Variants in MYBBP1A observed in about 807,000 individuals in gnomAD.
The protein encoded by MYBBP1A is MYB binding protein 1a, also known as myb-binding protein 1A.
In MYBBP1A, 147 loss-of-function variants were observed where a neutral mutation model predicts 136.3. The observed-to-expected ratio is 1.08, with a 90% CI of 0.94 to 1.24. The LOEUF is 1.24. Among genes scored for constraint, MYBBP1A ranks in the 50% most tolerant of loss-of-function variants. The probability of loss-of-function intolerance (pLI) is 0.00; values close to 1 mark genes in which losing one functional copy is unlikely to be tolerated. For synonymous variants in MYBBP1A, 947 were observed against 735.8 expected, an observed-to-expected ratio of 1.29 and a Z score of -4.65; for missense variants, 2,060 against 1,727.4, an observed-to-expected ratio of 1.19 and a Z score of -3.41.
chr17:4,545,294 C>CCGT lies in MYBBP1A; in HGVS notation c.2122_2124dup (p.Thr708dup). 1 of 1,613,192 alleles carries CCGT rather than the reference C, an allele frequency of 6.2e-7. No individual in the cohort carries two copies. The highest frequency in any genetic ancestry group is 1.7e-5 in the Admixed American group (1 of 59,986). The stretch of plus-strand genomic sequence containing the variant: ...TTCAGCCGCCGCTCATCAGAATCGT[C>CCGT]CGTCACCACCACACGGTCATTCTCA... On this transcript the variant is annotated inframe_insertion, in exon 16 of 26. Coordinates refer to ENST00000254718, the MANE Select transcript of MYBBP1A (RefSeq NM_014520.4).
At chr17:4,540,257 A>T in intron 25 of MYBBP1A, 91 bp downstream of exon 25, 4 of 1,466,676 alleles carry the variant, frequency 2.7e-6, no homozygotes, top group Non-Finnish European at 3.6e-6. Context: ...GTGCGTGTGC[A>T]GCAGCGTGTG....
Position 4,541,772 on chromosome 17 carries a change from C to T in MYBBP1A, c.3195+12G>A. ...CTGAGGGGGTGGGGAAAGGGCGCCC[C>T]CCGGCTGTTACCTCGGTGACCTTTG... On this transcript the variant is annotated intron_variant, in intron 23 of 25. Transcript: ENST00000254718. 6.2e-7 allele frequency: 1 copy of T among 1,611,536 alleles called. No homozygotes were observed. The highest frequency in any genetic ancestry group is 8.5e-7 in the Non-Finnish European group (1 of 1,178,024).
At position 4,540,358 on chromosome 17, in the gene MYBBP1A, G is replaced by C. The variant is rs142196126; in HGVS notation, c.3424C>G (p.Leu1142Val). The C allele has an allele frequency of 1.9e-4, 310 of 1,607,356 alleles. 2 individuals carry two copies. In the African/African-American group the frequency reaches 3.7e-3, roughly 19 times the overall value. ...HDLYWQAMKT[L>V]GVQRPKLEKK... is the part of the protein sequence containing the mutation. ...CCTCCCAGAACCTACTGGACTCCCAGGGTTTTCATGGCCTGCCAGTAGAGG... is the reference window on the plus strand; with the variant it reads ...CCTCCCAGAACCTACTGGACTCCCACGGTTTTCATGGCCTGCCAGTAGAGG... Residue 1142 changes from leucine (L) to valine (V), a missense_variant, in exon 25 of 26, where the codon CTG becomes GTG. Leu to Val is a conservative substitution (Grantham distance 32, BLOSUM62 1). Coordinates refer to ENST00000254718, the MANE Select transcript of MYBBP1A (RefSeq NM_014520.4).
Position 4,540,102 on chromosome 17 carries a change from T to C in MYBBP1A, c.3435-135A>G, listed in dbSNP as rs547695933. On this transcript the variant is annotated intron_variant, in intron 25 of 25. Transcript: ENST00000254718. ...CTGTGAGGCCCCTATGAGGGTCCCG[T>C]GAGGGTCCTATGAGGGTCCTGCGAG... The C allele has an allele frequency of 2.5e-6, 3 of 1,220,158 alleles. No homozygotes were observed. In the Admixed American group the frequency reaches 7.0e-5, roughly 28 times the overall value. 75.6% of individuals were successfully genotyped at this position (1,220,158 alleles called of 1,614,324 possible).
Position 4,550,261 on chromosome 17 carries a change from G to A in MYBBP1A, c.1116C>T (p.Ala372=), listed in dbSNP as rs143228082. The A allele has an allele frequency of 4.0e-5, 65 of 1,613,484 alleles. No homozygotes were observed. The highest frequency in any genetic ancestry group is 3.9e-4 in the African/African-American group (29 of 75,066). The change falls in exon 9 of 26, where the codon GCC becomes GCT. Residue 372 remains alanine, a synonymous_variant. Transcript: ENST00000254718. ...TGACAGATGAGAAGGCCACTAGCACGGCCAGCTGCCGCTCAGGGTCATCCT... is the reference window on the plus strand; with the variant it reads ...TGACAGATGAGAAGGCCACTAGCACAGCCAGCTGCCGCTCAGGGTCATCCT... ...GCQDDPERQL[A]VLVAFSSVTN...
At chr17:4,549,496 G>T in intron 9 of MYBBP1A, 54 bp from the exon 10 acceptor site, 1 of 1,525,442 alleles carries the variant, frequency 6.6e-7, no homozygotes, top group Non-Finnish European at 9.0e-7. Context: ...GCAGAAACAG[G>T]CTGGGCCCAG....
At chr17:4,549,634 G>A (rs1042370908) in intron 9 of MYBBP1A, among the ~76,000 whole-genome samples, 192 bp from the exon 10 acceptor site, 3 of 151,990 alleles carry the variant, frequency 2.0e-5, no homozygotes, top group Admixed American at 6.6e-5. Context: ...AAAATTAGCT[G>A]GGTGTGGTGG....
In MYBBP1A at chr17:4,542,598, G is replaced by A. The variant is rs753757238; in HGVS notation, c.3018+18C>T. The A allele has an allele frequency of 1.9e-6, 3 of 1,613,610 alleles. No homozygotes were observed. In the South Asian group the frequency reaches 3.3e-5, roughly 18 times the overall value. On this transcript the variant is annotated intron_variant, in intron 21 of 25. Coordinates refer to ENST00000254718, the MANE Select transcript of MYBBP1A (RefSeq NM_014520.4). ...TGAGCAGGGACCATGAGGAAGCAGG[G>A]CAGGCCCCAACACTCACCGGGTGCC...
chr17:4,555,173 A>C lies in MYBBP1A; in HGVS notation c.152T>G (p.Leu51Arg). 1 of 1,604,810 alleles carries C rather than the reference A, an allele frequency of 6.2e-7. No individual in the cohort carries two copies. ...DIAKPEQETRLAATEKLLEYL... is the reference protein window; with the variant it reads ...DIAKPEQETRRAATEKLLEYL... ...CTCCAGCAGCTTCTCCGTGGCCGCAAGTCGCGTCTCCTGCTCAGGCTTCGC... is the reference window on the plus strand; with the variant it reads ...CTCCAGCAGCTTCTCCGTGGCCGCACGTCGCGTCTCCTGCTCAGGCTTCGC... Residue 51 changes from leucine to arginine, a missense_variant, in exon 1 of 26, where the codon CTT (leucine) becomes CGT (arginine). Physicochemically the swap from Leu to Arg is moderately radical, Grantham distance 102. Coordinates refer to ENST00000254718, the MANE Select transcript of MYBBP1A (RefSeq NM_014520.4).
chr17:4,544,410 A>G, intron 19 of MYBBP1A, 79 bp downstream of exon 19: 18 of 1,517,354 alleles, frequency 1.2e-5, no homozygotes, highest in Non-Finnish European at 1.6e-5. Flanking sequence ...TCCTGTGCAG[A>G]CAGCAAGCCT....
intron 22 of MYBBP1A, 56 bp downstream of exon 22, chr17:4,542,408 G>A: frequency 6.5e-7 from 1 of 1,537,844 alleles, no homozygotes; most frequent in South Asian, 1.2e-5. Flanking sequence ...AGTCAGAAGA[G>A]GGTTAAGCGG....
rs1906194419 is a variant in MYBBP1A, at chr17:4,539,843, C to T, written c.3559G>A (p.Glu1187Lys). 1.9e-6 allele frequency: 3 copies of T among 1,609,220 alleles called. No individual in the cohort carries two copies. Among genetic ancestry groups the T allele is most frequent in the African/African-American group, 2.7e-5 (2 of 74,926 alleles). Reference protein sequence around the residue: ...ETKKRKKRKSEDGTPAEDGTP... With the variant: ...ETKKRKKRKSKDGTPAEDGTP... ...CCATCCTCCGCTGGCGTGCCATCCT[C>T]TGACTTGCGTTTCTTGCGCTTCTTC... The change falls in exon 26 of 26, where the codon GAG (glutamate) becomes AAG (lysine). Residue 1187 changes from glutamate to lysine, a missense_variant. Glu to Lys is a moderately conservative substitution (Grantham distance 56). Coordinates refer to ENST00000254718, the MANE Select transcript of MYBBP1A (RefSeq NM_014520.4).
rs140870063 is a variant in MYBBP1A, at chr17:4,539,596, G to A, written c.3806C>T (p.Thr1269Met). Residue 1269 changes from threonine to methionine, a missense_variant, in exon 26 of 26, where the codon ACG (threonine) becomes ATG (methionine). Coordinates refer to ENST00000254718, the MANE Select transcript of MYBBP1A (RefSeq NM_014520.4). ...SQVNGAPGSPTEPAGQKQHQK... is the reference protein window; with the variant it reads ...SQVNGAPGSPMEPAGQKQHQK... ...ATGCTGCTTTTGGCCTGCAGGTTCC[G>A]TGGGGGACCCGGGAGCTCCATTCAC... The A allele has an allele frequency of 5.8e-5, 94 of 1,614,000 alleles. No homozygotes were observed. Among genetic ancestry groups the A allele is most frequent in the Admixed American group, 1.2e-4 (7 of 59,992 alleles).
rs1907832851 is a variant in MYBBP1A at position 4,554,331 on chromosome 17, A to G, written c.295-53T>C. 12 of 1,507,532 alleles carry G rather than the reference A, an allele frequency of 8.0e-6. No individual in the cohort carries two copies. In the South Asian group the frequency reaches 1.4e-4, roughly 17 times the overall value. 93.4% of individuals were successfully genotyped at this position (1,507,532 alleles called of 1,614,324 possible). ...GAGGGTTCAGGAGAGTGGCCCAACT[A>G]CGTCTTCACAAACCTTAACCTCCCT... On this transcript the variant is annotated intron_variant, in intron 2 of 25. Coordinates refer to ENST00000254718, the MANE Select transcript of MYBBP1A (RefSeq NM_014520.4).
intron 19 of MYBBP1A, among the ~76,000 whole-genome samples, chr17:4,543,716 C>G (rs1906683678): frequency 6.6e-6 from 1 of 152,140 alleles, no homozygotes; most frequent in Non-Finnish European, 1.5e-5. Context: ...AGCTCCCAGG[C>G]CTTCACCTCC....
intron 13 of MYBBP1A, among the ~76,000 whole-genome samples, chr17:4,547,445 C>T (rs1213595238): frequency 6.6e-6 from 1 of 152,190 alleles, no homozygotes; most frequent in Non-Finnish European, 1.5e-5. Flanking sequence ...GTAAGGCAAC[C>T]ACAGTCAAGT....
chr17:4,544,773 AGAG>A lies in MYBBP1A; in HGVS notation c.2456_2458del (p.Ala819_Leu820delinsVal), dbSNP rs1361604433. On this transcript the variant is annotated inframe_deletion, in exon 18 of 26. Transcript: ENST00000254718. ...CACCCGGATCTGGAAGTCGCGCCGC[AGAG>A]CCTTCTCCTTCTGCAGCTTGTTCTT... 1.6e-5 allele frequency: 25 copies of A among 1,585,364 alleles called. No individual in the cohort carries two copies. The highest frequency in any genetic ancestry group is 2.1e-5 in the Non-Finnish European group (24 of 1,165,926).
Position 4,541,540 on chromosome 17 carries a change from G to A in MYBBP1A, c.3220C>T (p.Gln1074Ter). 6.2e-7 allele frequency: 1 copy of A among 1,613,158 alleles called. No individual in the cohort carries two copies. The highest frequency in any genetic ancestry group is 8.5e-7 in the Non-Finnish European group (1 of 1,180,042). ...GCCTGCTGATGCTGCGCCTTGGTCT[G>A]CGCCTCCCCCAGCACGCGCAAGTTC... ...TENLRVLGEA[Q>*]TKAQHQQALS... Residue 1074 changes from glutamine (Q) to a stop codon, truncating the protein, a stop_gained, in exon 24 of 26, where the codon CAG (glutamine) becomes TAG (stop). Transcript: ENST00000254718. LOFTEE classifies it high-confidence loss of function.
rs772640592 is a variant in MYBBP1A, at chr17:4,539,859, GCGCTTCTTC to G, written c.3534_3542del (p.Lys1183_Lys1185del). 1 of 1,606,916 alleles carries G rather than the reference GCGCTTCTTC, an allele frequency of 6.2e-7. No individual in the cohort carries two copies. Among genetic ancestry groups the G allele is most frequent in the Non-Finnish European group, 8.5e-7 (1 of 1,179,896 alleles). The stretch of plus-strand genomic sequence containing the variant: ...TGCCATCCTCTGACTTGCGTTTCTT[GCGCTTCTTC>G]GTCTCTGGCAAGAATCCCTTTTTCT... On this transcript the variant is annotated inframe_deletion, in exon 26 of 26. Transcript: ENST00000254718.
Sources: allele counts gnomAD v4.1 joint callset (sites outside exome capture counted in the v4.1 genomes callset), GRCh38; gene constraint gnomAD v4.1.1; transcripts MANE v1.5; gene names NCBI Gene and HGNC (gene_info 2026-07-23, HGNC 2026-07-21).